Variants in ZFP90 observed in about 807,000 individuals in gnomAD.
ZFP90 encodes the protein zinc finger protein 90 homolog.
In ZFP90, 38 loss-of-function variants were observed where a neutral mutation model predicts 60.8. The ratio of observed to expected loss-of-function variants is 0.62; its 90% confidence interval spans 0.48 to 0.82. The LOEUF is 0.82. ZFP90 is among the 40% of genes least tolerant of loss of function. ZFP90 has a pLI of 0.00. For synonymous variants in ZFP90, 287 were observed against 264.8 expected, an observed-to-expected ratio of 1.08 and a Z score of -0.82; for missense variants, 711 against 759.1, an observed-to-expected ratio of 0.94 and a Z score of 0.74.
chr16:68,537,128 G>C (rs1239005757), upstream of ZFP90, among the ~76,000 whole-genome samples: 1 of 65,364 alleles, frequency 1.5e-5, no homozygotes, highest in African/African-American at 8.4e-5. Flanking sequence ...TGTTGTTGTT[G>C]GGCTTTTTTT....
At chr16:68,534,479 C>A (rs1472072284), upstream of ZFP90, among the ~76,000 whole-genome samples, 3 of 151,232 alleles carry the variant, frequency 2.0e-5, no homozygotes, top group South Asian at 6.3e-4. Context: ...CCACCTGCCT[C>A]GGCCTCTCAA....
At chr16:68,575,673 G>C (rs902871304) in intron 2 of ZFP90, 2 of 391,348 alleles carry the variant, frequency 5.1e-6, no homozygotes, top group African/African-American at 4.1e-5. Flanking sequence ...AAGCATGCCA[G>C]ATGGGAAGAC....
In ZFP90 at chr16:68,565,254, G is replaced by GGTAA; in HGVS notation, c.*557_*560dup. ...TCCACAGTATGATACAGCCTATAAG[G>GGTAA]GTAAAGCTGGGTTAAAAATGCAGGT... On this transcript the variant is annotated 3_prime_UTR_variant, in exon 5 of 5. Transcript: ENST00000563169. 1 of 985,190 alleles carries GGTAA rather than the reference G, an allele frequency of 1.0e-6. No homozygotes were observed. Among genetic ancestry groups the GGTAA allele is most frequent in the Non-Finnish European group, 1.2e-6 (1 of 829,648 alleles). The allele number at this position is 985,190 out of a possible 1,614,324, so 61.0% of individuals were successfully genotyped here.
At chr16:68,568,232 A>G (rs922942975), downstream of ZFP90, among the ~76,000 whole-genome samples, 1 of 152,254 alleles carries the variant, frequency 6.6e-6, no homozygotes, top group African/African-American at 2.4e-5. Context: ...GGCATATGGT[A>G]GATACTTAAT....
At chr16:68,573,109 T>C (rs948070459) in intron 2 of ZFP90, among the ~76,000 whole-genome samples, 2 of 152,190 alleles carry the variant, frequency 1.3e-5, no homozygotes, top group African/African-American at 4.8e-5. Flanking sequence ...GAAGCTCAGA[T>C]TGTGCTCTAA....
chr16:68,553,027 G>A lies in ZFP90; in HGVS notation c.34-4971G>A, dbSNP rs368486257. On this transcript the variant is annotated intron_variant, in intron 2 of 4. Coordinates refer to ENST00000563169, the MANE Select transcript of ZFP90 (RefSeq NM_001305203.2). The stretch of plus-strand genomic sequence containing the variant: ...TGATTGCACCACTGCACTCCAGCCC[G>A]GGCAACAGAGCAAGACCTTGTCTCA... Among the ~76,000 whole-genome samples, 21 of 152,124 alleles carry A rather than the reference G, an allele frequency of 1.4e-4. 1 individual carries two copies. The highest frequency in any genetic ancestry group is 2.2e-4 in the Non-Finnish European group (15 of 68,032).
chr16:68,545,295 C>A (rs905858408), intron 2 of ZFP90, among the ~76,000 whole-genome samples: 3 of 152,046 alleles, frequency 2.0e-5, no homozygotes, highest in Non-Finnish European at 2.9e-5. Context: ...CCCTTCAACC[C>A]CTTGCCCAGA....
Position 68,564,143 on chromosome 16 carries a change from T to G in ZFP90, c.1356T>G (p.Cys452Trp). Residue 452 changes from cysteine to tryptophan, a missense_variant, in exon 5 of 5, where the codon TGT (cysteine) becomes TGG (tryptophan). Cys to Trp is a radical substitution (Grantham distance 215, BLOSUM62 -2). Around this residue, in one of 5 missense-constraint regions of ZFP90, gnomAD observed 295 missense variants for 274.0 expected, o/e 1.08. Transcript: ENST00000563169. The stretch of plus-strand genomic sequence containing the variant: ...TTACCGAAGTGAAATCCTACCATTG[T>G]AATGACTGTGGGGAAGACTTTAGTC... ...STLTEVKSYHCNDCGEDFSHI... is the reference protein window; with the variant it reads ...STLTEVKSYHWNDCGEDFSHI... 6.2e-7 allele frequency: 1 copy of G among 1,614,186 alleles called. No homozygotes were observed. The highest frequency in any genetic ancestry group is 8.5e-7 in the Non-Finnish European group (1 of 1,180,024).
In ZFP90 at chr16:68,564,880, A is replaced by G. The variant is rs2091501341; in HGVS notation, c.*182A>G. On this transcript the variant is annotated 3_prime_UTR_variant, in exon 5 of 5. Transcript: ENST00000563169. ...ACATAAAGACACATTCTCAGATCTG[A>G]TTACAGACTAGTGTAAAAACAGCTA... 11 of 1,371,836 alleles carry G rather than the reference A, an allele frequency of 8.0e-6. No homozygotes were observed. The East Asian group carries it at 3.0e-4, about 37-fold the overall frequency. 85.0% of individuals were successfully genotyped at this position (1,371,836 alleles called of 1,614,324 possible).
In ZFP90 at chr16:68,564,074, A is replaced by G; in HGVS notation, c.1287A>G (p.Ile429Met). ...GKPYQSSNYS[I>M]DFKHSTSLTQ... is the part of the protein sequence containing the mutation. ...CTTACCAAAGCAGTAACTACAGCAT[A>G]GATTTCAAGCACAGCACATCTCTCA... The change falls in exon 5 of 5, where the codon ATA (isoleucine) becomes ATG (methionine). Residue 429 changes from isoleucine to methionine, a missense_variant. Physicochemically the swap from Ile to Met is conservative, Grantham distance 10. Around this residue, in one of 5 missense-constraint regions of ZFP90, gnomAD observed 295 missense variants for 274.0 expected, o/e 1.08. Transcript: ENST00000563169. The G allele has an allele frequency of 6.2e-7, 1 of 1,614,178 alleles. No individual in the cohort carries two copies. The highest frequency in any genetic ancestry group is 8.5e-7 in the Non-Finnish European group (1 of 1,180,024).
chr16:68,544,412 AAAAC>A (rs894274722), intron 2 of ZFP90, among the ~76,000 whole-genome samples: 29 of 152,296 alleles, frequency 1.9e-4, no homozygotes, highest in East Asian at 7.7e-4. Context: ...ATCCCATCTC[AAAAC>A]AAACAAACAA....
In ZFP90 at chr16:68,562,910, G is replaced by T. The variant is rs2091458665; in HGVS notation, c.257-134G>T. On this transcript the variant is annotated intron_variant, in intron 4 of 4. Transcript: ENST00000563169. Reference sequence around the variant, plus strand: ...TCACTTTTCCTTTTCTCCATTTTGGGTCGTCTTCTCAGGATACAGGAGTAA... The same window carrying T: ...TCACTTTTCCTTTTCTCCATTTTGGTTCGTCTTCTCAGGATACAGGAGTAA... 2.6e-6 allele frequency: 4 copies of T among 1,537,912 alleles called. No homozygotes were observed. In the South Asian group the frequency reaches 3.6e-5, roughly 14 times the overall value.
intron 2 of ZFP90, chr16:68,575,676 G>A: frequency 2.5e-6 from 1 of 394,148 alleles, no homozygotes; most frequent in East Asian, 3.6e-5. Context: ...CATGCCAGAT[G>A]GGAAGACAGG....
At chr16:68,553,143 G>A (rs182103940) in intron 2 of ZFP90, among the ~76,000 whole-genome samples, 127 of 152,266 alleles carry the variant, frequency 8.3e-4, no homozygotes, top group African/African-American at 3.0e-3. Context: ...AAAATAAATA[G>A]TATTCTTGCT....
At chr16:68,535,331 A>G (rs1305264692), upstream of ZFP90, among the ~76,000 whole-genome samples, 2 of 152,168 alleles carry the variant, frequency 1.3e-5, no homozygotes, top group South Asian at 2.1e-4. Flanking sequence ...GCCCCTACTC[A>G]TTGTCAAAGT....
intron 2 of ZFP90, among the ~76,000 whole-genome samples, chr16:68,541,268 C>T (rs1355101924): frequency 6.6e-6 from 1 of 152,002 alleles, no homozygotes; most frequent in Admixed American, 6.6e-5. Context: ...GAACTCCTGA[C>T]GTCAATTGAT....
chr16:68,563,417 C>CTAT lies in ZFP90; in HGVS notation c.631_633dup (p.Tyr211dup). 6.2e-7 allele frequency: 1 copy of CTAT among 1,613,214 alleles called. No individual in the cohort carries two copies. The highest frequency in any genetic ancestry group is 8.5e-7 in the Non-Finnish European group (1 of 1,179,830). On this transcript the variant is annotated inframe_insertion, in exon 5 of 5. Coordinates refer to ENST00000563169, the MANE Select transcript of ZFP90 (RefSeq NM_001305203.2). ...ATAATATTCTTGCAAAAAAGAAACC[C>CTAT]TATAAGTGTGATAAATGTAGAAAAG...
At chr16:68,541,959 T>C (rs1218050458) in intron 2 of ZFP90, among the ~76,000 whole-genome samples, 1 of 152,182 alleles carries the variant, frequency 6.6e-6, no homozygotes, top group Non-Finnish European at 1.5e-5. Flanking sequence ...AATGGCCTGA[T>C]GATGTCCATG....
intron 2 of ZFP90, among the ~76,000 whole-genome samples, chr16:68,575,236 G>C (rs1169692723): frequency 1.3e-5 from 2 of 152,212 alleles, no homozygotes; most frequent in Admixed American, 1.3e-4. Context: ...TTGTGCACTG[G>C]GATCTGCACT....
Sources: gnomAD v4.1 joint callset for allele counts (sites outside exome capture counted in the v4.1 genomes callset) on GRCh38, gnomAD v4.1.1 for gene constraint, gnomAD v4.1.1 regional missense constraint, MANE v1.5 for transcripts, NCBI Gene and HGNC (gene_info 2026-07-23, HGNC 2026-07-21) for gene names.